Variants in GPHN observed in about 807,000 individuals in gnomAD.
GPHN encodes gephyrin.
In GPHN, 17 loss-of-function variants were observed where a neutral mutation model predicts 95.5. The ratio of observed to expected loss-of-function variants is 0.18; its 90% CI spans 0.12 to 0.27. The LOEUF is 0.27. Among genes scored for constraint, GPHN ranks in the 10% least tolerant of loss-of-function variants. GPHN has a pLI of 1.00. For missense variants in GPHN, 660 were observed against 978.1 expected (o/e 0.67, Z 4.34); for synonymous variants, 320 against 322.5 (o/e 0.99, Z 0.08).
At chr14:66,940,970 G>A (rs544502886) in intron 8 of GPHN, among the ~76,000 whole-genome samples, 2 of 152,260 alleles carry the variant, frequency 1.3e-5, no homozygotes, top group South Asian at 2.1e-4. Context: ...GCTTTGGTTA[G>A]CTCCCTTGGT....
At chr14:67,203,141 G>C in the GPHN span, 1 of 1,613,794 alleles carries the variant, frequency 6.2e-7, no homozygotes, top group African/African-American at 1.3e-5. Flanking sequence ...GAGCCAACTG[G>C]GTGACCGTAG....
chr14:67,205,391 T>A, the GPHN span, among the ~76,000 whole-genome samples: 2 of 152,156 alleles, frequency 1.3e-5, no homozygotes. Context: ...TCATATTACT[T>A]GTGTGACTTC....
At chr14:67,279,221 A>G in the GPHN span, 4 of 1,612,456 alleles carry the variant, frequency 2.5e-6, no homozygotes, top group African/African-American at 5.3e-5. Context: ...CAGACAGCGA[A>G]GTAAAAAATG....
At chr14:66,842,599 T>C in intron 4 of GPHN, 1 of 981,534 alleles carries the variant, frequency 1.0e-6, no homozygotes, top group South Asian at 1.4e-5. Flanking sequence ...CTGAACCAGT[T>C]TGTACAGCCC....
the GPHN span, among the ~76,000 whole-genome samples, chr14:67,275,839 T>A: frequency 6.6e-6 from 1 of 152,166 alleles, no homozygotes; most frequent in Non-Finnish European, 1.5e-5. Flanking sequence ...TCTTCCTGGT[T>A]TAGTCTTGGG....
At chr14:67,371,516 G>A in the GPHN span, among the ~76,000 whole-genome samples, 1 of 152,054 alleles carries the variant, frequency 6.6e-6, no homozygotes, top group Non-Finnish European at 1.5e-5. Flanking sequence ...GTCTTATCAT[G>A]CAAATTTCAT....
chr14:67,390,674 C>A, the GPHN span: 1 of 1,611,370 alleles, frequency 6.2e-7, no homozygotes, highest in Non-Finnish European at 8.5e-7. Context: ...TTGGAAGGGT[C>A]ATAGTAATGC....
chr14:67,276,763 T>G, the GPHN span, among the ~76,000 whole-genome samples: 106 of 152,314 alleles, frequency 7.0e-4, no homozygotes, highest in African/African-American at 2.3e-3. Flanking sequence ...GAGCAAAGGT[T>G]GGATCCAGAT....
the GPHN span, chr14:67,312,758 A>C: frequency 7.4e-7 from 1 of 1,348,034 alleles, no homozygotes; most frequent in Non-Finnish European, 9.8e-7. Context: ...AGAACATTGA[A>C]AATGCAAGCC....
the GPHN span, among the ~76,000 whole-genome samples, chr14:67,524,242 C>A: frequency 1.3e-5 from 2 of 152,138 alleles, no homozygotes; most frequent in East Asian, 1.9e-4. Context: ...TGCATGCCAC[C>A]AAACCTGGCT....
intron 1 of GPHN, among the ~76,000 whole-genome samples, chr14:66,557,237 G>GA (rs1555342945): frequency 0.013 from 1,869 of 141,974 alleles, 39 homozygotes; most frequent in African/African-American, 0.035. Context: ...ACATAGGTAG[G>GA]TAGATAGATA....
chr14:67,571,667 A>T, the GPHN span: 1 of 1,425,054 alleles, frequency 7.0e-7, no homozygotes. Context: ...CACCATGGGC[A>T]CTTGGACCAG....
the GPHN span, chr14:67,338,685 C>T: frequency 6.2e-7 from 1 of 1,614,056 alleles, no homozygotes; most frequent in East Asian, 2.2e-5. Context: ...CAACACCTCT[C>T]CAGCTGCTCT....
At chr14:66,700,720 C>T (rs1432107557) in intron 2 of GPHN, among the ~76,000 whole-genome samples, 4 of 152,044 alleles carry the variant, frequency 2.6e-5, no homozygotes, top group South Asian at 2.1e-4. Flanking sequence ...GTCAAGAGAT[C>T]GAGACCATCC....
the GPHN span, among the ~76,000 whole-genome samples, chr14:67,187,092 A>T: frequency 1.2e-4 from 18 of 152,220 alleles, no homozygotes; most frequent in Admixed American, 3.3e-4. Flanking sequence ...TGAAGCCAGG[A>T]TGGAGCCAGA....
At chr14:67,576,993 C>T in the GPHN span, among the ~76,000 whole-genome samples, 1 of 152,098 alleles carries the variant, frequency 6.6e-6, no homozygotes, top group African/African-American at 2.4e-5. The surrounding 1 kb of genome is among the most constrained non-coding windows in gnomAD (Gnocchi z 4.0). Context: ...TTCATATGCC[C>T]CTCCATCCAG....
At chr14:66,915,021 A>G (rs2065839175) in intron 5 of GPHN, among the ~76,000 whole-genome samples, 1 of 152,138 alleles carries the variant, frequency 6.6e-6, no homozygotes. Context: ...TCTAGTAAGA[A>G]GAAGGCCAGC....
the GPHN span, among the ~76,000 whole-genome samples, chr14:67,655,854 CT>C: frequency 6.6e-6 from 1 of 152,168 alleles, no homozygotes; most frequent in Middle Eastern, 3.4e-3. Flanking sequence ...GTCCTTCCAT[CT>C]TTTTTTCCCC....
intron 9 of GPHN, among the ~76,000 whole-genome samples, chr14:67,008,492 G>A (rs1295784166): frequency 6.6e-6 from 1 of 151,688 alleles, no homozygotes; most frequent in African/African-American, 2.4e-5. Flanking sequence ...TAGTCATGAT[G>A]TGGGTCAAAA....
Sources: gnomAD v4.1 joint callset for allele counts (sites outside exome capture counted in the v4.1 genomes callset) on GRCh38, gnomAD v4.1.1 for gene constraint, Gnocchi (gnomAD v3.1) non-coding constraint, MANE v1.5 for transcripts, NCBI Gene and HGNC (gene_info 2026-07-23, HGNC 2026-07-21) for gene names.